The following CHST9 variants were observed in gnomAD, a reference collection of about 807,000 sequenced individuals.
CHST9 encodes the protein carbohydrate sulfotransferase 9.
In CHST9, 41 loss-of-function variants were observed where a neutral mutation model predicts 44.4. The ratio of observed to expected loss-of-function variants is 0.92; its 90% CI spans 0.72 to 1.20. CHST9 has a LOEUF of 1.20. CHST9 is among the 50% of genes most tolerant of loss of function. The pLI is 0.00. For synonymous variants in CHST9, 171 were observed against 178.4 expected (o/e 0.96, Z 0.33); for missense variants, 504 against 516.5 (o/e 0.98, Z 0.23).
intron 2 of CHST9, among the ~76,000 whole-genome samples, chr18:27,084,445 T>C (rs2057989951): frequency 7.4e-6 from 1 of 134,454 alleles, no homozygotes. Context: ...GTGGTGTTCA[T>C]AACACTCGCT....
chr18:27,140,918 A>T (rs1250299003), intron 2 of CHST9, among the ~76,000 whole-genome samples: 1 of 146,034 alleles, frequency 6.8e-6, no homozygotes, highest in Non-Finnish European at 1.5e-5. Flanking sequence ...TCTTTAGAAA[A>T]TCATTATATG....
At chr18:27,079,482 A>G (rs1165216722) in intron 2 of CHST9, among the ~76,000 whole-genome samples, 1 of 152,186 alleles carries the variant, frequency 6.6e-6, no homozygotes, top group African/African-American at 2.4e-5. Flanking sequence ...TACTTTATCA[A>G]ATTAGCACAA....
At chr18:27,142,117 T>C (rs1479560082) in intron 2 of CHST9, among the ~76,000 whole-genome samples, 1 of 152,158 alleles carries the variant, frequency 6.6e-6, no homozygotes, top group Non-Finnish European at 1.5e-5. Flanking sequence ...GCCTGTTCCA[T>C]TTGTTTACAT....
intron 1 of CHST9, among the ~76,000 whole-genome samples, chr18:27,161,611 T>C (rs2058747615): frequency 6.6e-6 from 1 of 152,224 alleles, no homozygotes; most frequent in African/African-American, 2.4e-5. Flanking sequence ...GAGAGTTCTG[T>C]AGATGTCTAT....
chr18:27,103,882 GA>G (rs1284696792), intron 2 of CHST9, among the ~76,000 whole-genome samples: 1 of 152,148 alleles, frequency 6.6e-6, no homozygotes, highest in Non-Finnish European at 1.5e-5. Context: ...AGAGAAGCAA[GA>G]GGTTCATTAC....
chr18:27,060,491 C>T (rs770291687), intron 2 of CHST9, among the ~76,000 whole-genome samples: 7 of 152,242 alleles, frequency 4.6e-5, no homozygotes, highest in East Asian at 1.9e-4. Flanking sequence ...GGAGTGGGTG[C>T]GGGTGAGCTC....
intron 2 of CHST9, among the ~76,000 whole-genome samples, chr18:27,056,481 G>C (rs1324026947): frequency 6.6e-6 from 1 of 152,058 alleles, no homozygotes; most frequent in Non-Finnish European, 1.5e-5. Context: ...TGGGCTGTGG[G>C]CACCTCATTT....
intron 2 of CHST9, among the ~76,000 whole-genome samples, chr18:27,115,184 T>A (rs1013681437): frequency 6.6e-6 from 1 of 152,160 alleles, no homozygotes; most frequent in East Asian, 1.9e-4. Context: ...CTTTCCTTTA[T>A]AAATTACCCA....
intron 4 of CHST9, among the ~76,000 whole-genome samples, chr18:26,968,782 T>G (rs2056498994): frequency 6.6e-6 from 1 of 152,178 alleles, no homozygotes; most frequent in Non-Finnish European, 1.5e-5. Context: ...TGGTTAAAAA[T>G]TTGACACATT....
At chr18:26,917,451 A>G (rs1361518205) in intron 5 of CHST9, 101 bp from the exon 6 acceptor site, 5 of 1,338,734 alleles carry the variant, frequency 3.7e-6, no homozygotes, top group Admixed American at 2.3e-5. Flanking sequence ...TATCAAGGAG[A>G]GCATATTTCA....
At chr18:26,949,555 GA>G (rs960799364) in intron 4 of CHST9, among the ~76,000 whole-genome samples, 1 of 151,264 alleles carries the variant, frequency 6.6e-6, no homozygotes, top group Non-Finnish European at 1.5e-5. Context: ...ATGGGAGAAG[GA>G]AAAAAAATGA....
chr18:26,949,490 G>A (rs1403200299), intron 4 of CHST9, among the ~76,000 whole-genome samples: 1 of 151,774 alleles, frequency 6.6e-6, no homozygotes, highest in Non-Finnish European at 1.5e-5. Context: ...GACAGTCCTA[G>A]AAACATAGTG....
intron 4 of CHST9, among the ~76,000 whole-genome samples, chr18:26,979,363 T>C (rs112692349): frequency 0.11 from 16,188 of 152,200 alleles, 1,785 homozygotes; most frequent in African/African-American, 0.28. Flanking sequence ...TATGCATATA[T>C]GGAAAAAAAC....
At chr18:26,956,343 A>G (rs1465325300) in intron 4 of CHST9, among the ~76,000 whole-genome samples, 1 of 140,040 alleles carries the variant, frequency 7.1e-6, no homozygotes, top group African/African-American at 2.9e-5. Flanking sequence ...ATATATATAT[A>G]TACACACACA....
chr18:26,931,808 C>T (rs183583807), intron 5 of CHST9, among the ~76,000 whole-genome samples: 4 of 152,284 alleles, frequency 2.6e-5, no homozygotes, highest in Non-Finnish European at 4.4e-5. Flanking sequence ...TGAATTTAAT[C>T]CTCACTCTGG....
rs138480774 is a variant in CHST9, at chr18:27,153,557, T to G, written c.-96-10652A>C. On this transcript the variant is annotated intron_variant, in intron 1 of 5. Coordinates refer to ENST00000618847, the MANE Select transcript of CHST9 (RefSeq NM_031422.6). ...CTCTCTCTCTCTCTCTGTGTGTGTG[T>G]GTGTGTGTGTATGTGTGTGTGTGTG... Among the ~76,000 whole-genome samples, 860 of 135,324 alleles carry G rather than the reference T, an allele frequency of 6.4e-3. 12 individuals carry two copies. Among genetic ancestry groups the G allele is most frequent in the African/African-American group, 0.022 (815 of 37,582 alleles). 88.8% of individuals were successfully genotyped at this position (135,324 alleles called of 152,430 possible). A position where few individuals can be genotyped will look rare whatever the true frequency, so the allele number is the denominator to read the frequency against.
At chr18:27,142,641 T>A (rs760822695) in intron 2 of CHST9, 48 bp downstream of exon 2, 1 of 1,318,966 alleles carries the variant, frequency 7.6e-7, no homozygotes, top group Admixed American at 2.6e-5. Context: ...AATTTAAAAA[T>A]AGCTATTATT....
chr18:26,930,073 AG>A (rs538013007), intron 5 of CHST9, among the ~76,000 whole-genome samples: 1 of 152,192 alleles, frequency 6.6e-6, no homozygotes, highest in Non-Finnish European at 1.5e-5. Flanking sequence ...AGCACCTTTG[AG>A]TGAAACACAC....
chr18:27,151,915 G>A (rs1425537946), intron 1 of CHST9, among the ~76,000 whole-genome samples: 1 of 152,170 alleles, frequency 6.6e-6, no homozygotes, highest in African/African-American at 2.4e-5. Flanking sequence ...TGTTATAGCA[G>A]CAAAGAAAAC....
Sources: gnomAD v4.1 joint callset for allele counts (sites outside exome capture counted in the v4.1 genomes callset) on GRCh38, gnomAD v4.1.1 for gene constraint, MANE v1.5 for transcripts, NCBI Gene and HGNC (gene_info 2026-07-23, HGNC 2026-07-21) for gene names.